The following ZNF831 variants were observed in gnomAD, a reference collection of about 807,000 sequenced individuals.
ZNF831 encodes the protein chromosome 20 open reading frame 174.
In ZNF831, 59 loss-of-function variants were observed where a neutral mutation model predicts 95.8. The observed-to-expected ratio is 0.62, with a 90% CI of 0.50 to 0.77. The LOEUF (loss-of-function observed/expected upper bound fraction) is 0.77, where lower values mean the gene tolerates loss of function less well. Ranked by LOEUF, ZNF831 falls within the 30% of genes least tolerant of loss-of-function variation. ZNF831 has a pLI of 0.00. For missense variants in ZNF831, 2,205 were observed against 2,164.0 expected, an observed-to-expected ratio of 1.02 and a Z score of -0.38; for synonymous variants, 961 against 925.5, an observed-to-expected ratio of 1.04 and a Z score of -0.70.
intron 1 of ZNF831, among the ~76,000 whole-genome samples, chr20:59,166,487 A>G (rs1444041887): frequency 2.0e-5 from 3 of 152,208 alleles, no homozygotes; most frequent in African/African-American, 7.2e-5. Context: ...CAATCAAAAT[A>G]TTGACAGTGA....
At chr20:59,188,521 G>A (rs923342788) in intron 1 of ZNF831, among the ~76,000 whole-genome samples, 2 of 152,132 alleles carry the variant, frequency 1.3e-5, no homozygotes, top group African/African-American at 4.8e-5. Context: ...TCTGGGTGTG[G>A]TGGTGCACGC....
intron 4 of ZNF831, among the ~76,000 whole-genome samples, chr20:59,225,040 T>G (rs973149714): frequency 1.3e-5 from 2 of 152,206 alleles, no homozygotes; most frequent in African/African-American, 4.8e-5. Context: ...ATTAGTCTTT[T>G]CATTAGTCTA....
intron 4 of ZNF831, among the ~76,000 whole-genome samples, chr20:59,222,233 G>T (rs1053267104): frequency 3.9e-5 from 6 of 152,318 alleles, no homozygotes; most frequent in Admixed American, 2.6e-4. Flanking sequence ...GCTGGGCTGA[G>T]CTGGGCTGGG....
chr20:59,154,535 G>A (rs1460100338), intron 2 of ZNF831, among the ~76,000 whole-genome samples: 2 of 152,158 alleles, frequency 1.3e-5, no homozygotes, highest in African/African-American at 4.8e-5. Flanking sequence ...GACTCCATGA[G>A]GAGTTCCTCC....
At chr20:59,135,357 G>T (rs576529535) in intron 1 of ZNF831, among the ~76,000 whole-genome samples, 1 of 151,948 alleles carries the variant, frequency 6.6e-6, no homozygotes, top group African/African-American at 2.4e-5. Context: ...AGGCGAGATT[G>T]GGAGGATCAC....
At position 59,191,223 on chromosome 20, in the gene ZNF831, CG is replaced by C; in HGVS notation, c.209del (p.Gly70AlafsTer8). On this transcript the variant is annotated frameshift_variant, in exon 2 of 6. Transcript: ENST00000371030. LOFTEE classifies it high-confidence loss of function. ...PIPLYHTVPP[G>X]GLQPRAPLVT... ...TCCCACTGTACCACACGGTGCCTCC[CG>C]GGGGCCTCCAGCCCCGCGCCCCGCT... 1.9e-6 allele frequency: 3 copies of C among 1,555,522 alleles called. No homozygotes were observed. Among genetic ancestry groups the C allele is most frequent in the Non-Finnish European group, 1.7e-6 (2 of 1,152,062 alleles).
chr20:59,172,220 C>T (rs892382415), intron 1 of ZNF831, among the ~76,000 whole-genome samples: 4 of 152,194 alleles, frequency 2.6e-5, no homozygotes, highest in East Asian at 3.8e-4. Context: ...CGAGGGACAA[C>T]GTGATCAGTT....
At chr20:59,240,858 T>C (rs1028460650) in intron 4 of ZNF831, among the ~76,000 whole-genome samples, 2 of 152,108 alleles carry the variant, frequency 1.3e-5, no homozygotes, top group Non-Finnish European at 2.9e-5. Flanking sequence ...TACTCTTCCT[T>C]TTTATTCCCT....
At chr20:59,190,946 G>A (rs1412091846) in intron 1 of ZNF831, 38 bp from the exon 2 acceptor site, 4 of 1,454,312 alleles carry the variant, frequency 2.8e-6, no homozygotes, top group East Asian at 2.5e-5. Context: ...GAGGAGAGAG[G>A]AGAGGTGCCC....
rs944858087 is a variant in ZNF831 at position 59,219,518 on chromosome 20, C to T, written c.4027+12462C>T. ...TTCCAAATGAGGGATCCTGACAAGG[C>T]CTGCTGGAGCGGAGAGGGGAGAGTG... On this transcript the variant is annotated intron_variant, in intron 4 of 5. Coordinates refer to ENST00000371030, the MANE Select transcript of ZNF831 (RefSeq NM_178457.3). Among the ~76,000 whole-genome samples the T allele has an allele frequency of 1.3e-5, 2 of 152,236 alleles. 1 individual carries two copies. Among genetic ancestry groups the T allele is most frequent in the East Asian group, 3.9e-4 (2 of 5,180 alleles).
chr20:59,159,191 C>T (rs569478488), upstream of ZNF831, among the ~76,000 whole-genome samples: 2 of 152,172 alleles, frequency 1.3e-5, no homozygotes, highest in South Asian at 2.1e-4. Context: ...CACAGACCCA[C>T]CAAGAAGCTC....
chr20:59,227,575 C>T (rs980657405), intron 4 of ZNF831, among the ~76,000 whole-genome samples: 1 of 152,198 alleles, frequency 6.6e-6, no homozygotes, highest in Non-Finnish European at 1.5e-5. Flanking sequence ...TTGGGAGCAA[C>T]TCTATCTTCT....
At chr20:59,151,994 T>G (rs754286899) in intron 2 of ZNF831, among the ~76,000 whole-genome samples, 2 of 152,172 alleles carry the variant, frequency 1.3e-5, no homozygotes, top group African/African-American at 2.4e-5. Context: ...GCTGAGTGGT[T>G]TGGGGCGAGC....
chr20:59,178,309 C>T (rs1376330881), intron 1 of ZNF831, among the ~76,000 whole-genome samples: 1 of 152,212 alleles, frequency 6.6e-6, no homozygotes, highest in Non-Finnish European at 1.5e-5. Context: ...CTGTATAAAC[C>T]TTTGGGAATT....
chr20:59,207,122 C>T, intron 4 of ZNF831, 66 bp downstream of exon 4: 3 of 1,570,610 alleles, frequency 1.9e-6, no homozygotes, highest in Non-Finnish European at 2.6e-6. Context: ...GGCATAGACA[C>T]TGGGGATTTG....
In ZNF831 at chr20:59,181,658, G is replaced by A. The variant is rs192594276; in HGVS notation, c.-36-9326G>A. On this transcript the variant is annotated intron_variant, in intron 1 of 5. Transcript: ENST00000371030. Reference sequence around the variant, plus strand: ...CCCATTGCTTATTTTTGTCAGGTTTGTCGAAGATCAGATGGTTGTAGATGT... The same window carrying A: ...CCCATTGCTTATTTTTGTCAGGTTTATCGAAGATCAGATGGTTGTAGATGT... 6.1e-3 allele frequency among the ~76,000 whole-genome samples: 926 copies of A among 152,150 alleles called. 10 individuals carry two copies. The highest frequency in any genetic ancestry group is 0.024 in the Middle Eastern group (7 of 294).
At chr20:59,138,449 T>C (rs1011569689) in intron 1 of ZNF831, among the ~76,000 whole-genome samples, 7 of 152,046 alleles carry the variant, frequency 4.6e-5, no homozygotes, top group African/African-American at 1.7e-4. Context: ...CTGGCCCCCG[T>C]CCCCTGATCA....
At chr20:59,139,139 G>T (rs1193886882) in intron 1 of ZNF831, among the ~76,000 whole-genome samples, 1 of 152,074 alleles carries the variant, frequency 6.6e-6, no homozygotes, top group African/African-American at 2.4e-5. Context: ...GTTATACGTT[G>T]AATCATACAG....
At chr20:59,222,140 C>T (rs2146675660) in intron 4 of ZNF831, among the ~76,000 whole-genome samples, 1 of 152,360 alleles carries the variant, frequency 6.6e-6, no homozygotes, top group East Asian at 1.9e-4. Context: ...AACCCCTACT[C>T]AGGGGCTGTA....
Sources: allele counts gnomAD v4.1 joint callset (sites outside exome capture counted in the v4.1 genomes callset), GRCh38; gene constraint gnomAD v4.1.1; transcripts MANE v1.5; gene names NCBI Gene and HGNC (gene_info 2026-07-23, HGNC 2026-07-21).